Variants in ASCC3 observed in about 807,000 individuals in gnomAD.
The protein encoded by ASCC3 is ASC-1 complex subunit P200.
A neutral mutation model predicts 256.3 loss-of-function variants in ASCC3; 158 were observed. The observed-to-expected ratio is 0.62, with a 90% CI of 0.54 to 0.70. The LOEUF is 0.70. Among genes scored for constraint, ASCC3 ranks in the 30% least tolerant of loss-of-function variants. ASCC3 has a pLI of 0.00. For missense variants in ASCC3, 2,259 were observed against 2,626.0 expected (o/e 0.86, Z 3.05); for synonymous variants, 948 against 883.4 (o/e 1.07, Z -1.30).
At chr6:100,616,520 A>G (rs1773670508) in intron 30 of ASCC3, among the ~76,000 whole-genome samples, 1 of 152,194 alleles carries the variant, frequency 6.6e-6, no homozygotes, top group South Asian at 2.1e-4. Context: ...AGGATTAACT[A>G]TACTGCTGTT....
intron 12 of ASCC3, among the ~76,000 whole-genome samples, chr6:100,717,031 T>C (rs899021772): frequency 6.6e-6 from 1 of 151,888 alleles, no homozygotes; most frequent in Admixed American, 6.6e-5. Context: ...AGCAAATATT[T>C]CTGAAAAGCA....
chr6:100,832,859 A>G (rs1259632294), intron 4 of ASCC3, among the ~76,000 whole-genome samples: 2 of 152,168 alleles, frequency 1.3e-5, no homozygotes, highest in Non-Finnish European at 2.9e-5. Context: ...ACAATTAAAC[A>G]ATAAAAACTA....
intron 4 of ASCC3, 73 bp downstream of exon 4, chr6:100,848,075 C>T (rs1028827294): frequency 7.1e-7 from 1 of 1,402,456 alleles, no homozygotes; most frequent in East Asian, 2.4e-5. Context: ...TTGCTAACCA[C>T]CCATGTTTAA....
At chr6:100,863,955 T>G (rs1043050150) in intron 3 of ASCC3, 109 bp downstream of exon 3, 10 of 1,036,298 alleles carry the variant, frequency 9.6e-6, no homozygotes, top group Non-Finnish European at 1.4e-5. Context: ...AATACTTAGA[T>G]GCCAGGAAAT....
Position 100,848,568 on chromosome 6 carries a change from G to A in ASCC3, c.381C>T (p.Ala127=). The stretch of plus-strand genomic sequence containing the variant: ...GATTAGTAGCATTACAAGCTGCAGT[G>A]GCAGATGATGAAGGAAAGGGGCCAA... The part of the protein sequence containing the change: ...QMFGPFPSSS[A]TAACNATNRI... Residue 127 remains alanine (A), a synonymous_variant, in exon 4 of 42, where the codon GCC becomes GCT. Transcript: ENST00000369162. The A allele has an allele frequency of 6.2e-7, 1 of 1,614,094 alleles. No homozygotes were observed. Among genetic ancestry groups the A allele is most frequent in the South Asian group, 1.1e-5 (1 of 91,074 alleles).
intron 10 of ASCC3, among the ~76,000 whole-genome samples, chr6:100,765,314 A>G (rs1781600607): frequency 6.6e-6 from 1 of 152,204 alleles, no homozygotes; most frequent in Non-Finnish European, 1.5e-5. Flanking sequence ...AAACTAGTTC[A>G]GGCCATGATG....
rs1381553668 is a variant in ASCC3 at position 100,764,797 on chromosome 6, T to C, written c.1737+1768A>G. Among the ~76,000 whole-genome samples, 8 of 152,236 alleles carry C rather than the reference T, an allele frequency of 5.3e-5. No homozygotes were observed. The South Asian group carries it at 8.3e-4, about 16-fold the overall frequency. On this transcript the variant is annotated intron_variant, in intron 10 of 41. Transcript: ENST00000369162. ...CCTCACCTCCAACTACAATTACTTG[T>C]GGACTAGGGCTTCAACATATAAATT...
intron 34 of ASCC3, among the ~76,000 whole-genome samples, chr6:100,599,691 T>C (rs994472566): frequency 1.3e-5 from 2 of 151,878 alleles, no homozygotes; most frequent in Non-Finnish European, 2.9e-5. Flanking sequence ...AAAAAGGAGA[T>C]ACATATACAA....
At chr6:100,697,871 A>C (rs1778164645) in intron 13 of ASCC3, among the ~76,000 whole-genome samples, 1 of 152,118 alleles carries the variant, frequency 6.6e-6, no homozygotes, top group Admixed American at 6.5e-5. Flanking sequence ...CACATTCACT[A>C]CTATCAACAA....
chr6:100,536,493 A>AT (rs1775169415), intron 37 of ASCC3, among the ~76,000 whole-genome samples: 2 of 152,264 alleles, frequency 1.3e-5, no homozygotes, highest in South Asian at 4.1e-4. Context: ...CAGATTTTCT[A>AT]TTTTTGAGAC....
At chr6:100,875,266 G>A (rs1773942876) in intron 1 of ASCC3, among the ~76,000 whole-genome samples, 1 of 152,170 alleles carries the variant, frequency 6.6e-6, no homozygotes, top group South Asian at 2.1e-4. Flanking sequence ...GGAGAAAGGA[G>A]CAGGACACTC....
chr6:100,510,178 G>T, intron 40 of ASCC3, 71 bp from the exon 41 acceptor site: 1 of 1,538,668 alleles, frequency 6.5e-7, no homozygotes. Context: ...TGTGGTTAAG[G>T]CTACGTTGTC....
At chr6:100,516,753 G>T (rs1359364467) in intron 38 of ASCC3, among the ~76,000 whole-genome samples, 1 of 152,080 alleles carries the variant, frequency 6.6e-6, no homozygotes, top group African/African-American at 2.4e-5. Flanking sequence ...TTCATTTTGA[G>T]AATTTTTGAG....
At chr6:100,583,372 G>A (rs188439465) in intron 36 of ASCC3, among the ~76,000 whole-genome samples, 52 of 152,214 alleles carry the variant, frequency 3.4e-4, no homozygotes, top group Middle Eastern at 6.8e-3. Context: ...GTTTATTTGC[G>A]TAGAGGTGTT....
chr6:100,550,126 G>A (rs1302119766), intron 36 of ASCC3, among the ~76,000 whole-genome samples: 1 of 151,938 alleles, frequency 6.6e-6, no homozygotes. Context: ...GTTCGGTGGA[G>A]GTGGTGGAAG....
chr6:100,545,040 T>C (rs929974947), intron 36 of ASCC3, among the ~76,000 whole-genome samples: 4 of 151,950 alleles, frequency 2.6e-5, no homozygotes, highest in African/African-American at 9.7e-5. Flanking sequence ...AAATAAACTT[T>C]AAAAGAAAAA....
At chr6:100,565,461 AAAATAAATAAAT>A (rs541474576) in intron 36 of ASCC3, among the ~76,000 whole-genome samples, 7 of 152,204 alleles carry the variant, frequency 4.6e-5, no homozygotes, top group African/African-American at 1.4e-4. Context: ...TGGCTTTTTA[AAAATAAATAAAT>A]AAATAAATAA....
chr6:100,718,521 G>A (rs1267815496), intron 11 of ASCC3, among the ~76,000 whole-genome samples: 1 of 152,032 alleles, frequency 6.6e-6, no homozygotes, highest in East Asian at 1.9e-4. Context: ...CACTTTGGGA[G>A]GCAAGGTGGG....
rs528891383 is a variant in ASCC3 at position 100,624,544 on chromosome 6, A to G, written c.4785+648T>C. ...TCATACATCAGTGGTGATGACACCA[A>G]TAAGTACAGTTCTTTTGGAAAGTAA... On this transcript the variant is annotated intron_variant, in intron 30 of 41. Coordinates refer to ENST00000369162, the MANE Select transcript of ASCC3 (RefSeq NM_006828.4). Among the ~76,000 whole-genome samples the G allele has an allele frequency of 7.8e-4, 119 of 152,148 alleles. 2 individuals carry two copies. In the South Asian group the frequency reaches 0.023, roughly 29 times the overall value.
Sources: allele counts gnomAD v4.1 joint callset (sites outside exome capture counted in the v4.1 genomes callset), GRCh38; gene constraint gnomAD v4.1.1; transcripts MANE v1.5; gene names NCBI Gene and HGNC (gene_info 2026-07-23, HGNC 2026-07-21).